GNA14: variants seen among roughly 807,000 people sequenced by gnomAD.
The protein encoded by GNA14 is guanine nucleotide-binding protein subunit alpha-14.
GNA14 carries 50 observed loss-of-function variants against 42.0 expected under a neutral mutation model. The observed-to-expected ratio is 1.19, with a 90% confidence interval of 0.95 to 1.51. The LOEUF (loss-of-function observed/expected upper bound fraction) is 1.51. Ranked by LOEUF, GNA14 falls within the 40% of genes most tolerant of loss-of-function variation. GNA14 has a pLI of 0.00. For synonymous variants in GNA14, 173 were observed against 163.1 expected (o/e 1.06, Z -0.46); for missense variants, 473 against 446.2 (o/e 1.06, Z -0.54).
Position 77,431,206 on chromosome 9 carries a change from G to A in GNA14, c.593+115C>T, listed in dbSNP as rs550294968. On this transcript the variant is annotated intron_variant, in intron 4 of 6. Transcript: ENST00000341700. ...ATTCTAAATACCCTTGGCAGAGAGG[G>A]TCACTCTGTCCTAAGAGATATAATC... The A allele has an allele frequency of 8.8e-6, 8 of 914,190 alleles. No individual in the cohort carries two copies. The East Asian group carries it at 2.0e-4, about 23-fold the overall frequency. 56.6% of individuals were successfully genotyped at this position (914,190 alleles called of 1,614,324 possible).
At chr9:77,647,636 C>T (rs750228033) in intron 1 of GNA14, 34 bp downstream of exon 1, 79 of 1,594,086 alleles carry the variant, frequency 5.0e-5, no homozygotes, top group Admixed American at 3.0e-4. Flanking sequence ...AGAAAAACGC[C>T]CGGCTCACTG....
intron 5 of GNA14, 25 bp from the exon 6 acceptor site, chr9:77,425,740 G>A (rs1835444632): frequency 1.3e-6 from 2 of 1,554,656 alleles, no homozygotes; most frequent in African/African-American, 1.4e-5. Context: ...AGGGACTTGG[G>A]ATGAAGTAGA....
At chr9:77,572,762 C>G (rs1475754391) in intron 1 of GNA14, among the ~76,000 whole-genome samples, 1 of 152,146 alleles carries the variant, frequency 6.6e-6, no homozygotes, top group Non-Finnish European at 1.5e-5. Flanking sequence ...CTGTGTGCCT[C>G]CTGGGGACTC....
At chr9:77,585,918 T>C (rs1823294200) in intron 1 of GNA14, among the ~76,000 whole-genome samples, 1 of 152,232 alleles carries the variant, frequency 6.6e-6, no homozygotes, top group African/African-American at 2.4e-5. Context: ...TTCTTATGCC[T>C]GTAATGTATT....
chr9:77,632,082 A>G (rs1824108092), intron 1 of GNA14, among the ~76,000 whole-genome samples: 1 of 151,888 alleles, frequency 6.6e-6, no homozygotes, highest in African/African-American at 2.4e-5. Flanking sequence ...GCACCCCTAT[A>G]CCCTTGGCAG....
intron 2 of GNA14, among the ~76,000 whole-genome samples, chr9:77,439,946 A>G (rs1416713586): frequency 6.6e-6 from 1 of 152,362 alleles, no homozygotes; most frequent in East Asian, 1.9e-4. Flanking sequence ...TCTAAAAGGC[A>G]GATGGATAAA....
intron 1 of GNA14, among the ~76,000 whole-genome samples, chr9:77,639,620 T>TAGCAGC (rs991760164): frequency 1.3e-5 from 2 of 152,138 alleles, no homozygotes; most frequent in Non-Finnish European, 1.5e-5. Context: ...TATAAGTGTC[T>TAGCAGC]AGCAGCAGCA....
intron 1 of GNA14, among the ~76,000 whole-genome samples, chr9:77,547,353 G>A (rs966322652): frequency 3.9e-5 from 6 of 152,194 alleles, no homozygotes; most frequent in African/African-American, 1.2e-4. Flanking sequence ...CCTATTTGAT[G>A]TATCTTCAAA....
chr9:77,486,574 C>T (rs1186373756), intron 2 of GNA14, among the ~76,000 whole-genome samples: 1 of 152,190 alleles, frequency 6.6e-6, no homozygotes, highest in East Asian at 1.9e-4. Flanking sequence ...TACATGCCTT[C>T]CTCACTAAGC....
intron 2 of GNA14, among the ~76,000 whole-genome samples, chr9:77,475,948 G>A (rs1193462949): frequency 6.6e-6 from 1 of 152,216 alleles, no homozygotes; most frequent in Admixed American, 6.5e-5. Context: ...TGTCACCTCA[G>A]TAGGTAGGAC....
rs1835546815 is a variant in GNA14 at position 77,431,256 on chromosome 9, G to C, written c.593+65C>G. On this transcript the variant is annotated intron_variant, in intron 4 of 6. Coordinates refer to ENST00000341700, the MANE Select transcript of GNA14 (RefSeq NM_004297.4). Reference sequence around the variant, plus strand: ...CCCTGCTTAGGAATAACACGTTTAAGAATCCACCTGGGGACTTCCAAGCCT... The same window carrying C: ...CCCTGCTTAGGAATAACACGTTTAACAATCCACCTGGGGACTTCCAAGCCT... The C allele has an allele frequency of 1.9e-5, 28 of 1,462,798 alleles. No individual in the cohort carries two copies. The Middle Eastern group carries it at 5.3e-4, about 28-fold the overall frequency. 90.6% of individuals were successfully genotyped at this position (1,462,798 alleles called of 1,614,324 possible). A position where few individuals can be genotyped will look rare whatever the true frequency, so the allele number is the denominator to read the frequency against.
chr9:77,443,888 G>A (rs537397051), intron 2 of GNA14, among the ~76,000 whole-genome samples: 80 of 152,290 alleles, frequency 5.3e-4, no homozygotes, highest in African/African-American at 1.6e-3. Flanking sequence ...AGGCTGTGGC[G>A]GGAGGATCAT....
At chr9:77,441,073 G>C (rs527777691) in intron 2 of GNA14, among the ~76,000 whole-genome samples, 2 of 152,190 alleles carry the variant, frequency 1.3e-5, no homozygotes, top group African/African-American at 2.4e-5. Flanking sequence ...ATATACAATA[G>C]ATCTCTTGAG....
At position 77,610,601 on chromosome 9, in the gene GNA14, TAA is replaced by T. The variant is rs571948336; in HGVS notation, c.124+37067_124+37068del. ...AATTAGAGTTTTAACATATAAATTT[TAA>T]GAGAGATACAAACTTTTATTCCATA... On this transcript the variant is annotated intron_variant, in intron 1 of 6. Transcript: ENST00000341700. 2.4e-3 allele frequency among the ~76,000 whole-genome samples: 368 copies of T among 152,278 alleles called. 2 individuals are homozygous for T. Among genetic ancestry groups the T allele is most frequent in the Admixed American group, 4.1e-3 (62 of 15,298 alleles).
chr9:77,495,702 C>A (rs540361834), intron 2 of GNA14, among the ~76,000 whole-genome samples: 1 of 152,234 alleles, frequency 6.6e-6, no homozygotes. Flanking sequence ...AGTAAGAAAC[C>A]AGAATGCTCC....
chr9:77,601,096 G>A (rs932308498), intron 1 of GNA14, among the ~76,000 whole-genome samples: 28 of 152,374 alleles, frequency 1.8e-4, no homozygotes, highest in African/African-American at 6.7e-4. Flanking sequence ...TCTTCAGCTC[G>A]TGTGTGGTGG....
intron 2 of GNA14, among the ~76,000 whole-genome samples, chr9:77,465,093 G>C (rs1245639280): frequency 6.6e-6 from 1 of 152,234 alleles, no homozygotes. Flanking sequence ...CTAGCTTCCA[G>C]AACTATGAAA....
intron 1 of GNA14, among the ~76,000 whole-genome samples, chr9:77,538,751 T>G (rs939320527): frequency 6.6e-6 from 1 of 152,224 alleles, no homozygotes; most frequent in Non-Finnish European, 1.5e-5. Flanking sequence ...TGTATAGATA[T>G]GGTACTAATT....
chr9:77,642,482 C>G (rs1824282282), intron 1 of GNA14, among the ~76,000 whole-genome samples: 1 of 152,160 alleles, frequency 6.6e-6, no homozygotes, highest in South Asian at 2.1e-4. Context: ...AAATAAAACA[C>G]AGGCCAGGTA....
Sources: allele counts gnomAD v4.1 joint callset (sites outside exome capture counted in the v4.1 genomes callset), GRCh38; gene constraint gnomAD v4.1.1; transcripts MANE v1.5; gene names NCBI Gene and HGNC (gene_info 2026-07-23, HGNC 2026-07-21).